Variants in RB1CC1 observed in about 807,000 individuals in gnomAD.
The protein encoded by RB1CC1 is RB1-inducible coiled-coil protein 1.
Under a neutral mutation model 177.5 loss-of-function variants are expected in RB1CC1, and 46 were observed. The observed-to-expected ratio is 0.26, with a 90% CI of 0.20 to 0.33. The LOEUF (loss-of-function observed/expected upper bound fraction) is 0.33, where lower values mean the gene tolerates loss of function less well. RB1CC1 is among the 10% of genes least tolerant of loss of function. The pLI is 1.00. For missense variants in RB1CC1, 1,703 were observed against 1,816.3 expected (o/e 0.94, Z 1.13); for synonymous variants, 666 against 613.6 (o/e 1.09, Z -1.26).
intron 19 of RB1CC1, among the ~76,000 whole-genome samples, chr8:52,635,671 G>GTTTAAAATTGCCATTCATGTTAT (rs1849087516): frequency 6.6e-6 from 1 of 152,066 alleles, no homozygotes; most frequent in African/African-American, 2.4e-5. Context: ...TGAAATAGAT[G>GTTTAAAATTGCCATTCATGTTAT]TTTAAAATTG....
intron 1 of RB1CC1, among the ~76,000 whole-genome samples, chr8:52,707,363 A>T (rs2150716645): frequency 6.6e-6 from 1 of 151,088 alleles, no homozygotes; most frequent in East Asian, 2.0e-4. Context: ...TAATTTATTC[A>T]CTGTCAATGA....
At chr8:52,655,841 T>C (rs1851041185) in intron 15 of RB1CC1, among the ~76,000 whole-genome samples, 167 bp downstream of exon 15, 1 of 152,190 alleles carries the variant, frequency 6.6e-6, no homozygotes, top group Non-Finnish European at 1.5e-5. Flanking sequence ...TAGTCTGTTA[T>C]TTCTGTTTGC....
chr8:52,640,033 G>A (rs944721204), intron 18 of RB1CC1, among the ~76,000 whole-genome samples: 2 of 151,822 alleles, frequency 1.3e-5, no homozygotes, highest in Non-Finnish European at 2.9e-5. Flanking sequence ...ATTTTATTGT[G>A]GCTCATTTGT....
At chr8:52,636,858 G>T (rs1390698443) in intron 18 of RB1CC1, among the ~76,000 whole-genome samples, 1 of 152,132 alleles carries the variant, frequency 6.6e-6, no homozygotes, top group Non-Finnish European at 1.5e-5. Context: ...TTCCTTCACG[G>T]AACCGTCTCA....
At chr8:52,652,580 G>A (rs987725014) in intron 15 of RB1CC1, among the ~76,000 whole-genome samples, 2 of 151,750 alleles carry the variant, frequency 1.3e-5, no homozygotes, top group African/African-American at 2.4e-5. Context: ...TAATCCCTAT[G>A]AACAAAATCA....
intron 1 of RB1CC1, among the ~76,000 whole-genome samples, chr8:52,699,413 A>C (rs1018284699): frequency 6.6e-6 from 1 of 152,168 alleles, no homozygotes; most frequent in African/African-American, 2.4e-5. Context: ...TAGCTAAAAC[A>C]AGATTGGCCA....
intron 12 of RB1CC1, among the ~76,000 whole-genome samples, chr8:52,660,005 A>G (rs1253773007): frequency 1.3e-5 from 2 of 152,196 alleles, no homozygotes; most frequent in African/African-American, 2.4e-5. Flanking sequence ...CTCCAAAACA[A>G]CAACAACACA....
intron 15 of RB1CC1, among the ~76,000 whole-genome samples, chr8:52,648,345 T>C (rs1313153245): frequency 6.6e-6 from 1 of 152,174 alleles, no homozygotes; most frequent in Non-Finnish European, 1.5e-5. Context: ...TTAGAAAATG[T>C]TCCAAGTGAC....
chr8:52,662,493 C>G (rs1851717592), intron 8 of RB1CC1, among the ~76,000 whole-genome samples: 1 of 152,026 alleles, frequency 6.6e-6, no homozygotes, highest in Non-Finnish European at 1.5e-5. Flanking sequence ...TTACTACATA[C>G]TTTATTGCTA....
intron 15 of RB1CC1, among the ~76,000 whole-genome samples, chr8:52,648,960 T>C (rs1238233431): frequency 1.3e-5 from 2 of 152,208 alleles, no homozygotes; most frequent in Admixed American, 6.5e-5. Context: ...ATAACCCAGA[T>C]GGCTAACAAG....
Position 52,628,303 on chromosome 8 carries a change from ACT to A in RB1CC1, c.4500-137_4500-136del, listed in dbSNP as rs1272981262. Reference sequence around the variant, plus strand: ...ATATTAAATTTCACATTTACATGATACTCTTTTTGCATTCTGCCCAGGTCCTA... The same window carrying A: ...ATATTAAATTTCACATTTACATGATACTTTTTGCATTCTGCCCAGGTCCTA... On this transcript the variant is annotated intron_variant, in intron 21 of 23. Coordinates refer to ENST00000025008, the MANE Select transcript of RB1CC1 (RefSeq NM_014781.5). The A allele has an allele frequency of 4.4e-6, 4 of 905,744 alleles. No homozygotes were observed. In the African/African-American group the frequency reaches 7.1e-5, roughly 16 times the overall value. The allele number at this position is 905,744 out of a possible 1,614,324, so 56.1% of individuals were successfully genotyped here.
At position 52,656,062 on chromosome 8, in the gene RB1CC1, A is replaced by G; in HGVS notation, c.3767T>C (p.Val1256Ala). The G allele has an allele frequency of 1.2e-6, 2 of 1,612,910 alleles. No individual in the cohort carries two copies. Among genetic ancestry groups the G allele is most frequent in the Non-Finnish European group, 1.7e-6 (2 of 1,179,658 alleles). The change falls in exon 15 of 24, where the codon GTT becomes GCT. Residue 1256 changes from valine to alanine, a missense_variant. Physicochemically the swap from Val to Ala is moderately conservative, Grantham distance 64. This residue lies in a region of RB1CC1 where 1,169 missense variants were observed against 1,184.7 expected (regional missense o/e 0.99). Transcript: ENST00000025008. ...AACTTTTTCTAATAACTCTTTCTCA[A>G]CAACTTCTCTCTCCAATTTAAATTC... ...LKEFKLEREV[V>A]EKELLEKVKH... is the part of the protein sequence containing the mutation.
intron 12 of RB1CC1, 57 bp downstream of exon 12, chr8:52,660,539 G>T: frequency 7.0e-7 from 1 of 1,421,360 alleles, no homozygotes; most frequent in Non-Finnish European, 9.6e-7. Flanking sequence ...CTCTACTTCT[G>T]GAAAAAAGGT....
At chr8:52,700,612 T>C (rs531313967) in intron 1 of RB1CC1, among the ~76,000 whole-genome samples, 24 of 152,330 alleles carry the variant, frequency 1.6e-4, no homozygotes, top group African/African-American at 3.6e-4. Context: ...TTATTGGTCA[T>C]TGGCATATCT....
Position 52,683,967 on chromosome 8 carries a change from T to G in RB1CC1, c.118A>C (p.Ile40Leu), listed in dbSNP as rs375246047. The change falls in exon 4 of 24, where the codon ATT becomes CTT. Residue 40 changes from isoleucine (I) to leucine (L), a missense_variant. By Grantham distance (5) the Ile-to-Leu change is conservative. Coordinates refer to ENST00000025008, the MANE Select transcript of RB1CC1 (RefSeq NM_014781.5). ...HAIQSKYKIA[I>L]QHQVLVVNGG... ...TTGACCACCAGCACCTGGTGTTGAA[T>G]AGCAATCTTGTATTTGCTTTGAATG... 6.2e-7 allele frequency: 1 copy of G among 1,614,128 alleles called. No homozygotes were observed. Among genetic ancestry groups the G allele is most frequent in the South Asian group, 1.1e-5 (1 of 91,076 alleles).
At chr8:52,686,371 C>T (rs569125825) in intron 2 of RB1CC1, among the ~76,000 whole-genome samples, 2 of 152,164 alleles carry the variant, frequency 1.3e-5, no homozygotes, top group African/African-American at 2.4e-5. Flanking sequence ...CAGCAACACC[C>T]TGTCTGCACA....
intron 5 of RB1CC1, 107 bp from the exon 6 acceptor site, chr8:52,676,678 T>TTG: frequency 1.0e-6 from 1 of 963,580 alleles, no homozygotes; most frequent in South Asian, 1.5e-5. Flanking sequence ...GTAGAGCACA[T>TTG]TTAACAAAGT....
chr8:52,693,323 G>A (rs1388664814), intron 1 of RB1CC1, among the ~76,000 whole-genome samples: 1 of 152,132 alleles, frequency 6.6e-6, no homozygotes, highest in East Asian at 1.9e-4. Flanking sequence ...ACTATCATCA[G>A]AGTGAACAGA....
At chr8:52,707,326 C>T (rs1187579738) in intron 1 of RB1CC1, among the ~76,000 whole-genome samples, 5 of 151,928 alleles carry the variant, frequency 3.3e-5, no homozygotes, top group African/African-American at 7.3e-5. Context: ...AATTTAAATT[C>T]GGTGCTTTTC....
Sources: gnomAD v4.1 joint callset for allele counts (sites outside exome capture counted in the v4.1 genomes callset) on GRCh38, gnomAD v4.1.1 for gene constraint, gnomAD v4.1.1 regional missense constraint, MANE v1.5 for transcripts, NCBI Gene and HGNC (gene_info 2026-07-23, HGNC 2026-07-21) for gene names.